ZPBP: variants seen among roughly 807,000 people sequenced by gnomAD.
The protein encoded by ZPBP is zona pellucida-binding protein 1.
A neutral mutation model predicts 44.8 loss-of-function variants in ZPBP; 26 were observed. The observed-to-expected ratio is 0.58, with a 90% CI of 0.43 to 0.81. ZPBP has a LOEUF of 0.81. Among genes scored for constraint, ZPBP ranks in the 30% least tolerant of loss-of-function variants. The pLI is 0.00. For missense variants in ZPBP, 409 were observed against 434.0 expected, an observed-to-expected ratio of 0.94 and a Z score of 0.51; for synonymous variants, 174 against 153.2, an observed-to-expected ratio of 1.14 and a Z score of -1.00.
intron 1 of ZPBP, among the ~76,000 whole-genome samples, chr7:49,909,721 T>C (rs1320083893): frequency 1.3e-5 from 2 of 152,120 alleles, no homozygotes; most frequent in African/African-American, 2.4e-5. Flanking sequence ...TGGGAGTCAT[T>C]GCCAGATGAA....
chr7:49,975,389 G>A (rs1796465180), intron 7 of ZPBP, among the ~76,000 whole-genome samples: 1 of 152,084 alleles, frequency 6.6e-6, no homozygotes, highest in Non-Finnish European at 1.5e-5. Context: ...TGCTCCCCAA[G>A]TCAGATTCAG....
intron 1 of ZPBP, among the ~76,000 whole-genome samples, chr7:49,911,173 A>G (rs1038926976): frequency 1.3e-5 from 2 of 152,194 alleles, no homozygotes; most frequent in African/African-American, 4.8e-5. Flanking sequence ...TGAAAGTCAC[A>G]GTGTTGTCTC....
intron 2 of ZPBP, among the ~76,000 whole-genome samples, chr7:50,088,347 A>G (rs1397457173): frequency 6.6e-6 from 1 of 152,074 alleles, no homozygotes; most frequent in East Asian, 1.9e-4. Context: ...TAGGAATAAC[A>G]CTTTGTGACC....
chr7:49,898,753 C>T (rs1792536288), intron 2 of ZPBP, among the ~76,000 whole-genome samples: 1 of 152,016 alleles, frequency 6.6e-6, no homozygotes, highest in Non-Finnish European at 1.5e-5. Context: ...TCTCATTACC[C>T]ACAAAGTGGT....
chr7:49,988,797 T>C (rs2128786376), intron 6 of ZPBP, among the ~76,000 whole-genome samples: 1 of 151,746 alleles, frequency 6.6e-6, no homozygotes, highest in East Asian at 1.9e-4. Context: ...AGTTGAAATG[T>C]TCACAAATAT....
chr7:50,027,705 C>T (rs1196590694), intron 5 of ZPBP, among the ~76,000 whole-genome samples: 1 of 151,834 alleles, frequency 6.6e-6, no homozygotes, highest in Non-Finnish European at 1.5e-5. Context: ...AATTGACAAA[C>T]ATTCACATAG....
At chr7:49,986,648 T>TC (rs1476682264) in intron 6 of ZPBP, among the ~76,000 whole-genome samples, 1 of 152,028 alleles carries the variant, frequency 6.6e-6, no homozygotes, top group Non-Finnish European at 1.5e-5. Context: ...CTTTTTTTTT[T>TC]CTCCACCAGG....
intron 1 of ZPBP, among the ~76,000 whole-genome samples, chr7:49,909,494 G>C (rs1380680907): frequency 6.6e-6 from 1 of 152,174 alleles, no homozygotes; most frequent in East Asian, 1.9e-4. Flanking sequence ...CAGTTGTGTG[G>C]GGTGTGGTGG....
intron 2 of ZPBP, among the ~76,000 whole-genome samples, chr7:49,864,042 C>G (rs1297581453): frequency 1.3e-5 from 2 of 152,090 alleles, no homozygotes; most frequent in African/African-American, 4.8e-5. Context: ...AATTGGAAAT[C>G]AGACTGCCCT....
At chr7:49,889,343 T>C (rs931381165) in intron 2 of ZPBP, among the ~76,000 whole-genome samples, 36 of 152,272 alleles carry the variant, frequency 2.4e-4, no homozygotes, top group Middle Eastern at 3.4e-3. Context: ...TGAATTGAGG[T>C]CTAACTATAA....
At chr7:49,965,034 C>A (rs1796005499) in intron 7 of ZPBP, among the ~76,000 whole-genome samples, 1 of 152,078 alleles carries the variant, frequency 6.6e-6, no homozygotes, top group South Asian at 2.1e-4. Context: ...GACAGGCTGA[C>A]AGTCAGAAGA....
chr7:49,869,722 G>A (rs1487505868), intron 2 of ZPBP, among the ~76,000 whole-genome samples: 1 of 152,114 alleles, frequency 6.6e-6, no homozygotes, highest in Non-Finnish European at 1.5e-5. Context: ...AAGTTGATGT[G>A]ACAAACTTAA....
intron 1 of ZPBP, chr7:49,913,053 A>C (rs1258019017): frequency 2.0e-5 from 3 of 152,176 alleles, no homozygotes; most frequent in Non-Finnish European, 2.9e-5. Context: ...AGGAAAATCA[A>C]ACTCCTAAAC....
chr7:49,909,186 C>T (rs1793267062), intron 1 of ZPBP, among the ~76,000 whole-genome samples: 1 of 152,124 alleles, frequency 6.6e-6, no homozygotes, highest in South Asian at 2.1e-4. Context: ...GAGATGAGAC[C>T]TGTCAGTATC....
intron 4 of ZPBP, among the ~76,000 whole-genome samples, chr7:50,056,845 C>G (rs1800958931): frequency 6.6e-6 from 1 of 152,142 alleles, no homozygotes; most frequent in Non-Finnish European, 1.5e-5. Context: ...GGTAAAGTCT[C>G]TCAGGTAACT....
intron 2 of ZPBP, among the ~76,000 whole-genome samples, chr7:49,869,912 C>T (rs1474624096): frequency 1.3e-5 from 2 of 151,930 alleles, no homozygotes; most frequent in African/African-American, 4.8e-5. Flanking sequence ...CAGCAGATGT[C>T]AAAAGGAATG....
chr7:49,870,395 G>A (rs1009045251), intron 2 of ZPBP, among the ~76,000 whole-genome samples: 31 of 152,210 alleles, frequency 2.0e-4, no homozygotes, highest in South Asian at 4.1e-4. Flanking sequence ...GTGAGACTCC[G>A]TCTCAAAAAA....
chr7:49,847,547 G>C (rs1789990541), downstream of ZPBP, among the ~76,000 whole-genome samples: 1 of 152,158 alleles, frequency 6.6e-6, no homozygotes, highest in Non-Finnish European at 1.5e-5. Flanking sequence ...ATCATGAGAT[G>C]ATCATCATTG....
intron 3 of ZPBP, among the ~76,000 whole-genome samples, chr7:50,072,879 G>C (rs1438163359): frequency 6.6e-6 from 1 of 152,108 alleles, no homozygotes; most frequent in Admixed American, 6.5e-5. Flanking sequence ...TCCTAAAACA[G>C]ATACAACTTA....
Sources: gnomAD v4.1 joint callset for allele counts (sites outside exome capture counted in the v4.1 genomes callset) on GRCh38, gnomAD v4.1.1 for gene constraint, MANE v1.5 for transcripts, NCBI Gene and HGNC (gene_info 2026-07-23, HGNC 2026-07-21) for gene names.